Variants in DOCK7 observed in about 807,000 individuals in gnomAD.
DOCK7 encodes the protein dedicator of cytokinesis 7.
A neutral mutation model predicts 271.0 loss-of-function variants in DOCK7; 138 were observed. The observed-to-expected ratio is 0.51, with a 90% CI of 0.44 to 0.59. The LOEUF (loss-of-function observed/expected upper bound fraction) is 0.59, where lower values mean the gene tolerates loss of function less well. DOCK7 is among the 20% of genes least tolerant of loss of function. DOCK7 has a pLI of 0.00. For synonymous variants in DOCK7, 823 were observed against 876.1 expected (o/e 0.94, Z 1.07); for missense variants, 2,066 against 2,592.4 (o/e 0.80, Z 4.41).
chr1:62,523,067 G>A (rs1334065321), intron 31 of DOCK7, among the ~76,000 whole-genome samples: 1 of 151,988 alleles, frequency 6.6e-6, no homozygotes, highest in Non-Finnish European at 1.5e-5. Flanking sequence ...CTAAACAATG[G>A]GGGGATTTGT....
intron 1 of DOCK7, among the ~76,000 whole-genome samples, chr1:62,672,546 C>T (rs1030574589): frequency 6.6e-6 from 1 of 152,028 alleles, no homozygotes; most frequent in Non-Finnish European, 1.5e-5. Context: ...TATGGATAAA[C>T]AAACATATTT....
chr1:62,598,349 A>G (rs1449157628), intron 14 of DOCK7, among the ~76,000 whole-genome samples: 1 of 152,060 alleles, frequency 6.6e-6, no homozygotes, highest in Admixed American at 6.6e-5. Flanking sequence ...ATTGTAAATT[A>G]CTGAAGGTAA....
chr1:62,457,865 A>G lies in DOCK7; in HGVS notation c.6213-160T>C, dbSNP rs570820739. The G allele has an allele frequency of 3.2e-5, 21 of 647,980 alleles. No individual in the cohort carries two copies. In the South Asian group the frequency reaches 4.3e-4, roughly 13 times the overall value. The allele number at this position is 647,980 out of a possible 1,614,324, so 40.1% of individuals were successfully genotyped here. A position where few individuals can be genotyped will look rare whatever the true frequency, so the allele number is the denominator to read the frequency against. ...ATCACACACACATACACACAAAAATATAGGCCAGGCATGGTGGCTCATGGC... is the reference window on the plus strand; with the variant it reads ...ATCACACACACATACACACAAAAATGTAGGCCAGGCATGGTGGCTCATGGC... On this transcript the variant is annotated intron_variant, in intron 48 of 49. Coordinates refer to ENST00000635253, the MANE Select transcript of DOCK7 (RefSeq NM_001367561.1).
intron 48 of DOCK7, among the ~76,000 whole-genome samples, chr1:62,460,099 A>C (rs1645473219): frequency 3.1e-4 from 6 of 19,388 alleles, no homozygotes; most frequent in Non-Finnish European, 6.9e-4. Context: ...GACTCGTCTC[A>C]AAAAAAAAAA....
In DOCK7 at chr1:62,623,003, G is replaced by C. The variant is rs945783915; in HGVS notation, c.1425+2256C>G. ...TGCCCAGGCTGGTCTTGAACTCTTA[G>C]GCTCAAGCGACCCCCCAGCCTTGGC... On this transcript the variant is annotated intron_variant, in intron 12 of 49. Coordinates refer to ENST00000635253, the MANE Select transcript of DOCK7 (RefSeq NM_001367561.1). 7.9e-5 allele frequency among the ~76,000 whole-genome samples: 12 copies of C among 152,222 alleles called. No homozygotes were observed. In the South Asian group the frequency reaches 1.7e-3, roughly 21 times the overall value.
chr1:62,601,617 A>C, intron 14 of DOCK7: 1 of 573,146 alleles, frequency 1.7e-6, no homozygotes, highest in Non-Finnish European at 3.1e-6. Context: ...ATTCTTAAAT[A>C]ACACGCCATC....
Position 62,631,273 on chromosome 1 carries a change from T to A in DOCK7, c.1249A>T (p.Arg417Ter), listed in dbSNP as rs1654596460. The change falls in exon 11 of 50, where the codon AGA (arginine) becomes TGA (stop). Residue 417 changes from arginine to a stop codon, truncating the protein, a stop_gained. Coordinates refer to ENST00000635253, the MANE Select transcript of DOCK7 (RefSeq NM_001367561.1). LOFTEE classifies it high-confidence loss of function. ...CTGATTTCTACTTCTGTAGAATCTC[T>A]TTCCAAACTCCCAGCACTGCTAACA... ...NIVSSAGSLERDSTEVEISTG... is the reference protein window; with the variant it reads ...NIVSSAGSLE The A allele has an allele frequency of 6.2e-7, 1 of 1,610,340 alleles. No homozygotes were observed. The highest frequency in any genetic ancestry group is 1.3e-5 in the African/African-American group (1 of 74,578).
At position 62,475,196 on chromosome 1, in the gene DOCK7, A is replaced by G. The variant is rs780334403; in HGVS notation, c.6105+12T>C. ...CAGCTTAAATCACACAGTGCTAGCAAAAAGCACTAACCTGATTCACTGTGG... is the reference window on the plus strand; with the variant it reads ...CAGCTTAAATCACACAGTGCTAGCAGAAAGCACTAACCTGATTCACTGTGG... On this transcript the variant is annotated intron_variant, in intron 47 of 49. Transcript: ENST00000635253. 3.1e-6 allele frequency: 5 copies of G among 1,610,120 alleles called. No individual in the cohort carries two copies. The South Asian group carries it at 5.5e-5, about 18-fold the overall frequency.
rs1166619112 is a variant in DOCK7, at chr1:62,653,986, T to C, written c.318A>G (p.Glu106=). ...CRTLVSAVPE[E]SEMDPHVRDC... is the part of the protein sequence containing the mutation. The stretch of plus-strand genomic sequence containing the variant: ...AAAATAAGTCAATGTCTCCTTACCT[T>C]TCTTCAGGTACAGCTGAAACAAGAG... The change falls in exon 3 of 50, where the codon GAA becomes GAG. Residue 106 remains glutamate, a splice_region_variant and synonymous_variant. Transcript: ENST00000635253. The C allele has an allele frequency of 2.5e-6, 4 of 1,612,384 alleles. No homozygotes were observed. The highest frequency in any genetic ancestry group is 2.2e-5 in the East Asian group (1 of 44,856).
At chr1:62,472,014 C>G (rs1045991042) in intron 48 of DOCK7, among the ~76,000 whole-genome samples, 6 of 151,090 alleles carry the variant, frequency 4.0e-5, no homozygotes, top group African/African-American at 1.5e-4. Flanking sequence ...TGGTAACACA[C>G]AAAAATAAAA....
intron 15 of DOCK7, chr1:62,584,513 G>C (rs569039841): frequency 1.1e-4 from 124 of 1,096,828 alleles, no homozygotes; most frequent in Non-Finnish European, 1.3e-4. Context: ...TAACACACAA[G>C]TAAAAGAAAT....
chr1:62,661,509 T>A (rs1467989709), intron 2 of DOCK7, among the ~76,000 whole-genome samples: 1 of 151,966 alleles, frequency 6.6e-6, no homozygotes, highest in East Asian at 1.9e-4. Context: ...TATATAAATA[T>A]TTTTTTAAAT....
intron 18 of DOCK7, among the ~76,000 whole-genome samples, chr1:62,575,057 G>A (rs12038768): frequency 6.6e-6 from 1 of 151,976 alleles, no homozygotes; most frequent in East Asian, 1.9e-4. Flanking sequence ...AAGAGATGGG[G>A]TCTTGCTATG....
At chr1:62,620,041 C>T in intron 12 of DOCK7, 48 bp from the exon 13 acceptor site, 2 of 1,476,500 alleles carry the variant, frequency 1.4e-6, no homozygotes, top group Non-Finnish European at 1.9e-6. Flanking sequence ...CAAATATAGC[C>T]AGGCACAGTG....
intron 2 of DOCK7, among the ~76,000 whole-genome samples, chr1:62,658,089 A>G (rs1658238436): frequency 6.6e-6 from 1 of 151,916 alleles, no homozygotes; most frequent in South Asian, 2.1e-4. Context: ...CTTAAACAGG[A>G]TAAACCCAAA....
chr1:62,608,441 C>T (rs1259495192), intron 14 of DOCK7: 1 of 152,108 alleles, frequency 6.6e-6, no homozygotes, highest in Non-Finnish European at 1.5e-5. Context: ...TAGATTGTGC[C>T]GTATTTTAAG....
chr1:62,519,732 T>C (rs937221628), intron 31 of DOCK7, among the ~76,000 whole-genome samples: 1 of 151,976 alleles, frequency 6.6e-6, no homozygotes, highest in Non-Finnish European at 1.5e-5. Context: ...GGGGAAGATG[T>C]AAGAGAATGC....
At chr1:62,686,167 T>TGACA (rs1661707921) in intron 1 of DOCK7, among the ~76,000 whole-genome samples, 4 of 2,352 alleles carry the variant, frequency 1.7e-3, no homozygotes, top group African/African-American at 1.8e-3. Context: ...CTTTTTTTTT[T>TGACA]TTTTTTTTTT....
chr1:62,469,819 A>T (rs1309417135), intron 48 of DOCK7, among the ~76,000 whole-genome samples: 2 of 152,158 alleles, frequency 1.3e-5, no homozygotes, highest in Admixed American at 6.5e-5. Flanking sequence ...AATGCTCAAC[A>T]TCACTAATGA....
Sources: allele counts gnomAD v4.1 joint callset (sites outside exome capture counted in the v4.1 genomes callset), GRCh38; gene constraint gnomAD v4.1.1; transcripts MANE v1.5; gene names NCBI Gene and HGNC (gene_info 2026-07-23, HGNC 2026-07-21).